Variants in VSTM2L observed in about 807,000 individuals in gnomAD.
The protein encoded by VSTM2L is V-set and transmembrane domain containing 2 like, also known as V-set and transmembrane domain-containing protein 2-like protein.
VSTM2L carries 9 observed loss-of-function variants against 19.9 expected under a neutral mutation model. The observed-to-expected ratio is 0.45, with a 90% CI of 0.27 to 0.79. The LOEUF (loss-of-function observed/expected upper bound fraction) is 0.79, where lower values mean the gene tolerates loss of function less well. VSTM2L is among the 30% of genes least tolerant of loss of function. VSTM2L has a pLI of 0.15. For missense variants in VSTM2L, 286 were observed against 295.5 expected (o/e 0.97, Z 0.24); for synonymous variants, 127 against 133.8 (o/e 0.95, Z 0.35).
chr20:37,927,328 T>C (rs1284264805), intron 1 of VSTM2L, among the ~76,000 whole-genome samples: 1 of 152,218 alleles, frequency 6.6e-6, no homozygotes, highest in Non-Finnish European at 1.5e-5. Flanking sequence ...ATAAAATACA[T>C]TATTAAAATT....
intron 1 of VSTM2L, among the ~76,000 whole-genome samples, chr20:37,914,347 ATG>A (rs1375904052): frequency 8.1e-4 from 1 of 1,242 alleles, no homozygotes; most frequent in Non-Finnish European, 2.1e-3. Flanking sequence ...GTATGTGTGC[ATG>A]TGTGTGGGGT....
rs1451529075 is a variant in VSTM2L, at chr20:37,944,547, C to A, written c.*294C>A. The A allele has an allele frequency of 5.9e-6, 7 of 1,182,468 alleles. No homozygotes were observed. Among genetic ancestry groups the A allele is most frequent in the Non-Finnish European group, 6.3e-6 (6 of 956,578 alleles). The allele number at this position is 1,182,468 out of a possible 1,614,324, so 73.2% of individuals were successfully genotyped here. On this transcript the variant is annotated 3_prime_UTR_variant, in exon 4 of 4. Coordinates refer to ENST00000373461, the MANE Select transcript of VSTM2L (RefSeq NM_080607.3). ...CCATGCTGGGGCCCGGGGCCACCCC[C>A]TTCCTGTCACCAGCTTCTGTGGAGT...
At chr20:37,915,147 C>G in intron 1 of VSTM2L, among the ~76,000 whole-genome samples, 1 of 152,116 alleles carries the variant, frequency 6.6e-6, no homozygotes, top group East Asian at 1.9e-4. Flanking sequence ...AATGGTCTCC[C>G]GGCAGGCAGC....
intron 1 of VSTM2L, among the ~76,000 whole-genome samples, chr20:37,928,094 C>G (rs971168190): frequency 1.4e-4 from 22 of 152,208 alleles, no homozygotes; most frequent in African/African-American, 5.3e-4. Flanking sequence ...CCGTGTCCCT[C>G]CACTGTCTTT....
chr20:37,921,511 A>G (rs1600566320), intron 1 of VSTM2L, among the ~76,000 whole-genome samples: 2 of 152,232 alleles, frequency 1.3e-5, no homozygotes, highest in African/African-American at 4.8e-5. Flanking sequence ...TACTATGTGC[A>G]TGGTGTTGCT....
chr20:37,917,474 G>T (rs79835541), intron 1 of VSTM2L, among the ~76,000 whole-genome samples: 3 of 152,324 alleles, frequency 2.0e-5, no homozygotes, highest in African/African-American at 7.2e-5. Context: ...AGGGAACAGC[G>T]GTTGTTGTGG....
intron 3 of VSTM2L, among the ~76,000 whole-genome samples, chr20:37,935,681 C>T (rs1331457678): frequency 1.3e-5 from 2 of 152,130 alleles, no homozygotes; most frequent in South Asian, 2.1e-4. Context: ...TGTCGTTATC[C>T]GCTTGTGTGA....
In VSTM2L at chr20:37,944,276, A is replaced by T. The variant is rs1310519419; in HGVS notation, c.*23A>T. ...TAGACTGATGCCCCTGCCCCCGCCC[A>T]TCCGCCCCCACGCTGTACAGAGTGC... is the stretch of plus-strand genomic sequence containing the variant. On this transcript the variant is annotated 3_prime_UTR_variant, in exon 4 of 4. Coordinates refer to ENST00000373461, the MANE Select transcript of VSTM2L (RefSeq NM_080607.3). 2 of 1,296,830 alleles carry T rather than the reference A, an allele frequency of 1.5e-6. No homozygotes were observed. Among genetic ancestry groups the T allele is most frequent in the Non-Finnish European group, 2.0e-6 (2 of 1,010,338 alleles). 80.3% of individuals were successfully genotyped at this position (1,296,830 alleles called of 1,614,324 possible). A position where few individuals can be genotyped will look rare whatever the true frequency, so the allele number is the denominator to read the frequency against.
At chr20:37,905,244 A>G (rs778240215) in intron 1 of VSTM2L, among the ~76,000 whole-genome samples, 1 of 152,018 alleles carries the variant, frequency 6.6e-6, no homozygotes, top group Non-Finnish European at 1.5e-5. Flanking sequence ...AGGGGTTTCC[A>G]TGGAGGGCCT....
intron 1 of VSTM2L, among the ~76,000 whole-genome samples, chr20:37,914,825 C>T (rs1034039574): frequency 6.6e-6 from 1 of 152,170 alleles, no homozygotes; most frequent in Non-Finnish European, 1.5e-5. Flanking sequence ...AGAGCCCAAC[C>T]CTATGTTCCC....
rs1426771932 is a variant in VSTM2L, at chr20:37,944,461, G to C, written c.*208G>C. 4.1e-6 allele frequency: 5 copies of C among 1,223,746 alleles called. No homozygotes were observed. Among genetic ancestry groups the C allele is most frequent in the Middle Eastern group, 3.0e-4 (1 of 3,282 alleles). The allele number at this position is 1,223,746 out of a possible 1,614,324, so 75.8% of individuals were successfully genotyped here. A position where few individuals can be genotyped will look rare whatever the true frequency, so the allele number is the denominator to read the frequency against. On this transcript the variant is annotated 3_prime_UTR_variant, in exon 4 of 4. Coordinates refer to ENST00000373461, the MANE Select transcript of VSTM2L (RefSeq NM_080607.3). Reference sequence around the variant, plus strand: ...CCCTTTCAGACCCCTGCGGTGACCTGGCTCGGAGAAGGTGGCCCTGGGCAC... The same window carrying C: ...CCCTTTCAGACCCCTGCGGTGACCTCGCTCGGAGAAGGTGGCCCTGGGCAC...
At chr20:37,933,711 G>A in intron 3 of VSTM2L, 122 bp downstream of exon 3, 3 of 975,820 alleles carry the variant, frequency 3.1e-6, no homozygotes, top group Admixed American at 2.8e-5. Flanking sequence ...AAGAAAAAGA[G>A]AAGGGAAAAA....
chr20:37,906,733 C>T (rs2072753956), intron 1 of VSTM2L, among the ~76,000 whole-genome samples: 1 of 152,218 alleles, frequency 6.6e-6, no homozygotes, highest in South Asian at 2.1e-4. Context: ...TTGGCCATGG[C>T]GTCTTCCTTC....
chr20:37,941,868 C>G (rs115296507), intron 3 of VSTM2L, among the ~76,000 whole-genome samples: 191 of 151,192 alleles, frequency 1.3e-3, no homozygotes, highest in African/African-American at 4.2e-3. Flanking sequence ...CTCCCACCAC[C>G]ACCACCCCTC....
chr20:37,935,728 G>A (rs73296443), intron 3 of VSTM2L, among the ~76,000 whole-genome samples: 15,345 of 152,078 alleles, frequency 0.1, 892 homozygotes, highest in Middle Eastern at 0.22. Context: ...AGAGATGAGG[G>A]GTGCTGGGAC....
intron 1 of VSTM2L, 104 bp from the exon 2 acceptor site, chr20:37,931,531 C>CAA: frequency 2.2e-6 from 2 of 915,628 alleles, no homozygotes; most frequent in Non-Finnish European, 1.6e-6. Flanking sequence ...CTCCACCCAT[C>CAA]CCCCGCCGTG....
chr20:37,921,838 C>CTTTTTTTTTTTTTTTTTTTTTTTT (rs756122087), intron 1 of VSTM2L, among the ~76,000 whole-genome samples: 2 of 91,784 alleles, frequency 2.2e-5, no homozygotes, highest in African/African-American at 1.0e-4. Context: ...CTTTCTTTTC[C>CTTTTTTTTTTTTTTTTTTTTTTTT]TTTTTTTTTT....
chr20:37,943,341 C>T (rs1415871295), intron 3 of VSTM2L, among the ~76,000 whole-genome samples: 1 of 152,074 alleles, frequency 6.6e-6, no homozygotes, highest in Non-Finnish European at 1.5e-5. Flanking sequence ...GTGGTGCAAT[C>T]ACGGCTCACT....
intron 1 of VSTM2L, among the ~76,000 whole-genome samples, chr20:37,916,029 A>G (rs1010604790): frequency 2.0e-5 from 3 of 151,982 alleles, no homozygotes; most frequent in Admixed American, 1.3e-4. Context: ...GCTGGAGCAA[A>G]TCCATCCCTG....
Sources: allele counts gnomAD v4.1 joint callset (sites outside exome capture counted in the v4.1 genomes callset), GRCh38; gene constraint gnomAD v4.1.1; transcripts MANE v1.5; gene names NCBI Gene and HGNC (gene_info 2026-07-23, HGNC 2026-07-21).